The following ADAMTS5 variants were observed in gnomAD, a reference collection of about 807,000 sequenced individuals.
The protein encoded by ADAMTS5 is ADAM metallopeptidase with thrombospondin type 1 motif 5.
ADAMTS5 carries 54 observed loss-of-function variants against 81.4 expected under a neutral mutation model. The observed-to-expected ratio is 0.66, with a 90% confidence interval of 0.53 to 0.83. ADAMTS5 has a LOEUF of 0.83. ADAMTS5 is among the 40% of genes least tolerant of loss of function. The probability of loss-of-function intolerance (pLI) is 0.00; values close to 1 mark genes in which losing one functional copy is unlikely to be tolerated. For missense variants in ADAMTS5, 1,194 were observed against 1,229.9 expected, an observed-to-expected ratio of 0.97 and a Z score of 0.44; for synonymous variants, 532 against 508.8, an observed-to-expected ratio of 1.05 and a Z score of -0.61.
At chr21:26,945,583 T>G (rs1426451404) in intron 2 of ADAMTS5, among the ~76,000 whole-genome samples, 3 of 152,192 alleles carry the variant, frequency 2.0e-5, no homozygotes, top group Non-Finnish European at 4.4e-5. Flanking sequence ...ATAGGACACA[T>G]GGCAGACACG....
intron 1 of ADAMTS5, among the ~76,000 whole-genome samples, chr21:26,957,326 C>T (rs1460443900): frequency 1.3e-4 from 20 of 151,844 alleles, no homozygotes; most frequent in Admixed American, 1.3e-3. Context: ...ATTATTGGGG[C>T]AATAGTATAT....
intron 4 of ADAMTS5, among the ~76,000 whole-genome samples, chr21:26,933,792 C>A (rs933387659): frequency 1.3e-5 from 2 of 152,146 alleles, no homozygotes; most frequent in African/African-American, 4.8e-5. Flanking sequence ...GTCAGGTTAT[C>A]TGATGATGAA....
chr21:26,960,909 CAGAT>C (rs1987518222), intron 1 of ADAMTS5, among the ~76,000 whole-genome samples: 1 of 152,200 alleles, frequency 6.6e-6, no homozygotes, highest in Admixed American at 6.5e-5. Flanking sequence ...AAATTGAACT[CAGAT>C]GGAGTGAGCA....
In ADAMTS5 at chr21:26,920,123, G is replaced by A. The variant is rs910341898; in HGVS notation, c.*3930C>T. 1 of 152,128 alleles carries A rather than the reference G, an allele frequency of 6.6e-6. No homozygotes were observed. The highest frequency in any genetic ancestry group is 2.1e-4 in the South Asian group (1 of 4,830). The allele number at this position is 152,128 out of a possible 1,614,324, so 9.4% of individuals were successfully genotyped here. On this transcript the variant is annotated 3_prime_UTR_variant, in exon 8 of 8. Transcript: ENST00000284987. Reference sequence around the variant, plus strand: ...TTATTAAATTCAATGTTATTTGACAGTGTGAACTCTATGTAACAGCACAAA... The same window carrying A: ...TTATTAAATTCAATGTTATTTGACAATGTGAACTCTATGTAACAGCACAAA...
At chr21:26,959,823 T>C (rs957157014) in intron 1 of ADAMTS5, among the ~76,000 whole-genome samples, 1 of 152,212 alleles carries the variant, frequency 6.6e-6, no homozygotes, top group Admixed American at 6.5e-5. Context: ...TTTTTTCTAC[T>C]ATTATTTCCT....
intron 3 of ADAMTS5, among the ~76,000 whole-genome samples, chr21:26,935,934 A>G (rs1270516513): frequency 6.6e-6 from 1 of 152,204 alleles, no homozygotes; most frequent in African/African-American, 2.4e-5. Flanking sequence ...TTCTTTACAT[A>G]TATGAGCTCA....
chr21:26,954,932 T>A, intron 1 of ADAMTS5, 61 bp from the exon 2 acceptor site: 1 of 1,590,308 alleles, frequency 6.3e-7, no homozygotes, highest in Non-Finnish European at 8.6e-7. Flanking sequence ...AGCCGCCACA[T>A]AGAGCCACTT....
rs1046679623 is a variant in ADAMTS5 at position 26,932,960 on chromosome 21, G to A, written c.1774C>T (p.Arg592Cys). 8.1e-6 allele frequency: 13 copies of A among 1,613,984 alleles called. No individual in the cohort carries two copies. Among genetic ancestry groups the A allele is most frequent in the Admixed American group, 1.7e-5 (1 of 60,002 alleles). Residue 592 changes from arginine (R) to cysteine (C), a missense_variant, in exon 5 of 8, where the codon CGT (arginine) becomes TGT (cysteine). Arg to Cys is a radical substitution (Grantham distance 180). This residue lies in a region of ADAMTS5 where 696 missense variants were observed against 817.6 expected (regional missense o/e 0.85). Transcript: ENST00000284987. ...CTGGGAGCAGGGTTATTACAGTGAC[G>A]ATAGGCAAACTGCACTCCTCCTCCA... ...SCGGGVQFAY[R>C]HCNNPAPRNN... is the part of the protein sequence containing the mutation.
intron 7 of ADAMTS5, among the ~76,000 whole-genome samples, chr21:26,929,237 A>C (rs1253533715): frequency 6.6e-6 from 1 of 152,214 alleles, no homozygotes; most frequent in Non-Finnish European, 1.5e-5. Context: ...TGGGAAGAAA[A>C]GCAAGCCTGT....
intron 3 of ADAMTS5, among the ~76,000 whole-genome samples, chr21:26,940,548 C>T (rs1987094587): frequency 6.6e-6 from 1 of 152,020 alleles, no homozygotes; most frequent in Non-Finnish European, 1.5e-5. Context: ...TCTCAGATTA[C>T]CTGTCTAAAG....
chr21:26,966,207 T>C lies in ADAMTS5; in HGVS notation c.185A>G (p.His62Arg), dbSNP rs138536779. ...GCTCCTGCGCCGCTGCGCCAGGGGGTGCGGGTGGCCGGGAGGCTCGGCTCG... is the reference window on the plus strand; with the variant it reads ...GCTCCTGCGCCGCTGCGCCAGGGGGCGCGGGTGGCCGGGAGGCTCGGCTCG... ...QERAEPPGHPHPLAQRRRSKG... is the reference protein window; with the variant it reads ...QERAEPPGHPRPLAQRRRSKG... Residue 62 changes from histidine to arginine, a missense_variant, in exon 1 of 8, where the codon CAC (histidine) becomes CGC (arginine). By Grantham distance (29) the His-to-Arg change is conservative (BLOSUM62 0). Coordinates refer to ENST00000284987, the MANE Select transcript of ADAMTS5 (RefSeq NM_007038.5). 6.1e-5 allele frequency: 97 copies of C among 1,596,910 alleles called. No individual in the cohort carries two copies. The African/African-American group carries it at 1.1e-3, about 19-fold the overall frequency.
At chr21:26,950,248 C>G (rs1440926381) in intron 2 of ADAMTS5, among the ~76,000 whole-genome samples, 4 of 152,164 alleles carry the variant, frequency 2.6e-5, no homozygotes, top group Non-Finnish European at 5.9e-5. Flanking sequence ...CAGATTGTTC[C>G]TCCTAGTGTA....
chr21:26,947,999 C>A (rs1463943761), intron 2 of ADAMTS5, among the ~76,000 whole-genome samples: 3 of 152,148 alleles, frequency 2.0e-5, no homozygotes, highest in Admixed American at 1.3e-4. Context: ...CACCTGATAA[C>A]TTTTCTGGTA....
At chr21:26,947,729 C>T (rs899753172) in intron 2 of ADAMTS5, among the ~76,000 whole-genome samples, 2 of 152,118 alleles carry the variant, frequency 1.3e-5, no homozygotes, top group Non-Finnish European at 2.9e-5. Context: ...ACCACTGCGC[C>T]CGATCAGAAC....
intron 2 of ADAMTS5, 63 bp downstream of exon 2, chr21:26,954,676 G>T: frequency 6.3e-7 from 1 of 1,586,406 alleles, no homozygotes; most frequent in South Asian, 1.2e-5. Context: ...TAAGTATTTT[G>T]GTTCCTGTTG....
At chr21:26,945,666 G>C (rs1444129892) in intron 2 of ADAMTS5, among the ~76,000 whole-genome samples, 1 of 152,090 alleles carries the variant, frequency 6.6e-6, no homozygotes, top group African/African-American at 2.4e-5. Context: ...TAATTTTAAA[G>C]GTTTCAATTA....
chr21:26,925,554 C>T (rs569547994), intron 7 of ADAMTS5, among the ~76,000 whole-genome samples: 8 of 152,184 alleles, frequency 5.3e-5, no homozygotes, highest in Non-Finnish European at 1.2e-4. Context: ...GCTAATTAAG[C>T]ACCAAGGGTG....
chr21:26,947,519 C>T (rs147442410), intron 2 of ADAMTS5, among the ~76,000 whole-genome samples: 8,651 of 151,970 alleles, frequency 0.057, 321 homozygotes, highest in Middle Eastern at 0.085. Flanking sequence ...CTGCAATCTC[C>T]ACCTCCCGGG....
chr21:26,931,883 C>G (rs1986913787), intron 6 of ADAMTS5, 121 bp downstream of exon 6: 4 of 964,940 alleles, frequency 4.1e-6, no homozygotes, highest in Non-Finnish European at 5.8e-6. Flanking sequence ...AAATAAAAAC[C>G]TTCCAAAATC....
Sources: allele counts gnomAD v4.1 joint callset (sites outside exome capture counted in the v4.1 genomes callset), GRCh38; gene constraint gnomAD v4.1.1; regional missense constraint gnomAD v4.1.1; transcripts MANE v1.5; gene names NCBI Gene and HGNC (gene_info 2026-07-23, HGNC 2026-07-21).